Variants in ARHGAP15 observed in about 807,000 individuals in gnomAD.
The protein encoded by ARHGAP15 is Rho GTPase activating protein 15.
A neutral mutation model predicts 63.7 loss-of-function variants in ARHGAP15; 51 were observed. That is an observed-to-expected ratio of 0.80 (90% CI 0.64 to 1.01). ARHGAP15 has a LOEUF of 1.01. Ranked by LOEUF, ARHGAP15 falls within the 50% of genes least tolerant of loss-of-function variation. ARHGAP15 has a pLI of 0.00. For synonymous variants in ARHGAP15, 191 were observed against 193.8 expected (o/e 0.99, Z 0.12); for missense variants, 560 against 564.6 (o/e 0.99, Z 0.08).
At chr2:143,611,873 A>G (rs905018298) in intron 11 of ARHGAP15, among the ~76,000 whole-genome samples, 1 of 151,848 alleles carries the variant, frequency 6.6e-6, no homozygotes, top group Admixed American at 6.6e-5. Context: ...CCCCTTTACC[A>G]CCCCTATGTT....
At chr2:143,155,972 C>G (rs1287952111) in intron 2 of ARHGAP15, among the ~76,000 whole-genome samples, 1 of 150,776 alleles carries the variant, frequency 6.6e-6, no homozygotes, top group African/African-American at 2.4e-5. Context: ...GGTGTTTGTA[C>G]TTCCAAATAC....
intron 10 of ARHGAP15, among the ~76,000 whole-genome samples, chr2:143,535,097 C>T (rs1420630720): frequency 1.3e-5 from 2 of 151,784 alleles, no homozygotes; most frequent in Admixed American, 6.6e-5. Context: ...TAAAAATGTG[C>T]CCCTTCTCCC....
At chr2:143,684,713 A>G (rs1477267432) in intron 12 of ARHGAP15, among the ~76,000 whole-genome samples, 1 of 152,222 alleles carries the variant, frequency 6.6e-6, no homozygotes, top group Non-Finnish European at 1.5e-5. Context: ...AACCGGTTAA[A>G]TATGGCTTTG....
chr2:143,240,825 A>G (rs1693834540), intron 5 of ARHGAP15, among the ~76,000 whole-genome samples: 1 of 152,222 alleles, frequency 6.6e-6, no homozygotes, highest in South Asian at 2.1e-4. Flanking sequence ...CAAGTGATCG[A>G]TATTGCTATA....
chr2:143,380,947 A>C (rs1036545754), intron 6 of ARHGAP15, among the ~76,000 whole-genome samples: 6 of 152,146 alleles, frequency 3.9e-5, no homozygotes, highest in Non-Finnish European at 8.8e-5. Flanking sequence ...GGCAATGTGA[A>C]TGAGAGATGA....
intron 6 of ARHGAP15, among the ~76,000 whole-genome samples, chr2:143,414,697 G>A (rs539532869): frequency 1.3e-5 from 2 of 152,202 alleles, no homozygotes; most frequent in South Asian, 2.1e-4. Context: ...ACTTTGGATG[G>A]CGAAGGCAGG....
intron 6 of ARHGAP15, among the ~76,000 whole-genome samples, chr2:143,412,980 G>C (rs780509848): frequency 6.6e-6 from 1 of 151,568 alleles, no homozygotes; most frequent in African/African-American, 2.4e-5. Context: ...TTATTTTATT[G>C]GTTATTTCCA....
At chr2:143,160,637 G>A (rs1242316423) in intron 2 of ARHGAP15, among the ~76,000 whole-genome samples, 4 of 151,908 alleles carry the variant, frequency 2.6e-5, no homozygotes, top group Non-Finnish European at 4.4e-5. Context: ...GAAATTCGAA[G>A]GTTTCCTAAG....
chr2:143,734,327 C>T (rs1413384146), intron 13 of ARHGAP15, among the ~76,000 whole-genome samples: 1 of 152,174 alleles, frequency 6.6e-6, no homozygotes, highest in Non-Finnish European at 1.5e-5. Context: ...AGGACCAATT[C>T]CTGTGTCCTG....
chr2:143,684,841 T>C (rs1476380828), intron 12 of ARHGAP15, among the ~76,000 whole-genome samples: 1 of 152,194 alleles, frequency 6.6e-6, no homozygotes, highest in Admixed American at 6.5e-5. Flanking sequence ...GTAATCCTTG[T>C]TGAGGATTTT....
chr2:143,586,519 CTG>C (rs1166169738), intron 11 of ARHGAP15, among the ~76,000 whole-genome samples: 1 of 151,812 alleles, frequency 6.6e-6, no homozygotes, highest in African/African-American at 2.4e-5. Context: ...GTATACCATT[CTG>C]TGTTTTCAGT....
chr2:143,151,410 G>A (rs767014807), intron 1 of ARHGAP15, among the ~76,000 whole-genome samples: 43 of 151,982 alleles, frequency 2.8e-4, no homozygotes, highest in Admixed American at 7.9e-4. Context: ...CATAAATAGA[G>A]TGGACTGATC....
chr2:143,620,552 T>G (rs147786511), intron 11 of ARHGAP15, among the ~76,000 whole-genome samples: 169 of 152,256 alleles, frequency 1.1e-3, no homozygotes, highest in Non-Finnish European at 1.9e-3. Context: ...AATTACTGTT[T>G]ATTTGCCTTT....
At chr2:143,235,900 A>G (rs1344497458) in intron 5 of ARHGAP15, 1 of 1,525,568 alleles carries the variant, frequency 6.6e-7, no homozygotes, top group Admixed American at 2.2e-5. Context: ...CTAGCACTTC[A>G]TTTGCAGCTT....
At chr2:143,447,612 T>A (rs892516586) in intron 8 of ARHGAP15, among the ~76,000 whole-genome samples, 17 of 152,204 alleles carry the variant, frequency 1.1e-4, no homozygotes, top group African/African-American at 4.1e-4. Flanking sequence ...CCTGGAGGTA[T>A]AAGCCAAGAC....
At chr2:143,760,119 A>T (rs1398150300) in intron 13 of ARHGAP15, among the ~76,000 whole-genome samples, 1 of 152,182 alleles carries the variant, frequency 6.6e-6, no homozygotes, top group East Asian at 1.9e-4. Context: ...TATCCAGAAT[A>T]GTGTCAAACA....
chr2:143,658,677 TC>T (rs1681586429), intron 12 of ARHGAP15, among the ~76,000 whole-genome samples: 1 of 152,164 alleles, frequency 6.6e-6, no homozygotes, highest in Non-Finnish European at 1.5e-5. Context: ...GCTGGCTTCA[TC>T]CTAATGCTGA....
chr2:143,501,749 G>A (rs748897134), intron 9 of ARHGAP15, among the ~76,000 whole-genome samples: 4 of 152,344 alleles, frequency 2.6e-5, no homozygotes, highest in South Asian at 2.1e-4. Flanking sequence ...ATCTGCATGT[G>A]AGGTTAAGTT....
At chr2:143,613,412 T>C (rs747118526) in intron 11 of ARHGAP15, among the ~76,000 whole-genome samples, 9 of 152,196 alleles carry the variant, frequency 5.9e-5, no homozygotes, top group Non-Finnish European at 8.8e-5. Context: ...AGTCACACTT[T>C]TATATTTTAT....
Sources: gnomAD v4.1 joint callset for allele counts (sites outside exome capture counted in the v4.1 genomes callset) on GRCh38, gnomAD v4.1.1 for gene constraint, MANE v1.5 for transcripts, NCBI Gene and HGNC (gene_info 2026-07-23, HGNC 2026-07-21) for gene names.